The following CCDC6 variants were observed in gnomAD, a reference collection of about 807,000 sequenced individuals.
CCDC6 encodes coiled-coil domain-containing protein 6.
CCDC6 carries 20 observed loss-of-function variants against 56.6 expected under a neutral mutation model. That is an observed-to-expected ratio of 0.35 (90% CI 0.25 to 0.51). The LOEUF (loss-of-function observed/expected upper bound fraction) is 0.51, where lower values mean the gene tolerates loss of function less well. CCDC6 is among the 20% of genes least tolerant of loss of function. The pLI, the probability that CCDC6 is intolerant of heterozygous loss-of-function variation, is 0.95. For synonymous variants in CCDC6, 241 were observed against 234.4 expected, an observed-to-expected ratio of 1.03 and a Z score of -0.26; for missense variants, 367 against 601.1, an observed-to-expected ratio of 0.61 and a Z score of 4.07.
chr10:59,866,625 C>T (rs981006385), intron 1 of CCDC6, among the ~76,000 whole-genome samples: 10 of 152,042 alleles, frequency 6.6e-5, no homozygotes, highest in African/African-American at 1.9e-4. Context: ...GGCCTCACGT[C>T]GTATATAGGG....
rs2070471406 is a variant in CCDC6 at position 59,791,962 on chromosome 10, T to A, written c.*955A>T. Reference sequence around the variant, plus strand: ...ATTATGCCAAGATAATGCGATAATGTCCATTTCAAATAGTATTTTCTAATG... The same window carrying A: ...ATTATGCCAAGATAATGCGATAATGACCATTTCAAATAGTATTTTCTAATG... On this transcript the variant is annotated 3_prime_UTR_variant, in exon 9 of 9. Transcript: ENST00000263102. 1 of 221,406 alleles carries A rather than the reference T, an allele frequency of 4.5e-6. No individual in the cohort carries two copies. Among genetic ancestry groups the A allele is most frequent in the Non-Finnish European group, 9.1e-6 (1 of 110,448 alleles). The allele number at this position is 221,406 out of a possible 1,614,324, so 13.7% of individuals were successfully genotyped here.
At chr10:59,838,883 C>T (rs945344648) in intron 2 of CCDC6, among the ~76,000 whole-genome samples, 29 of 152,174 alleles carry the variant, frequency 1.9e-4, no homozygotes, top group African/African-American at 6.8e-4. Context: ...AAAAGACTTC[C>T]CCAATGCTTT....
At chr10:59,885,552 G>C (rs118190935) in intron 1 of CCDC6, among the ~76,000 whole-genome samples, 4 of 152,230 alleles carry the variant, frequency 2.6e-5, no homozygotes, top group Non-Finnish European at 5.9e-5. Flanking sequence ...TCAGGACTGA[G>C]AGCCCTATCA....
intron 1 of CCDC6, among the ~76,000 whole-genome samples, chr10:59,881,950 G>A (rs1291578693): frequency 1.3e-5 from 2 of 152,026 alleles, no homozygotes; most frequent in Non-Finnish European, 2.9e-5. Flanking sequence ...TCAGATGGTT[G>A]GGCAAAAGGG....
intron 1 of CCDC6, among the ~76,000 whole-genome samples, chr10:59,877,275 C>T (rs2071292380): frequency 6.6e-6 from 1 of 152,116 alleles, no homozygotes; most frequent in Admixed American, 6.5e-5. Flanking sequence ...AATAAAGCAC[C>T]AGAATCACTC....
At position 59,792,678 on chromosome 10, in the gene CCDC6, A is replaced by C; in HGVS notation, c.*239T>G. The C allele has an allele frequency of 1.2e-5, 9 of 738,688 alleles. No individual in the cohort carries two copies. Among genetic ancestry groups the C allele is most frequent in the Non-Finnish European group, 1.7e-5 (7 of 401,568 alleles). 45.8% of individuals were successfully genotyped at this position (738,688 alleles called of 1,614,324 possible). A position where few individuals can be genotyped will look rare whatever the true frequency, so the allele number is the denominator to read the frequency against. On this transcript the variant is annotated 3_prime_UTR_variant, in exon 9 of 9. Coordinates refer to ENST00000263102, the MANE Select transcript of CCDC6 (RefSeq NM_005436.5). ...AAACAGCGAAGGTTCCAGCCAGGGA[A>C]TGGACGTACATGAAGATTCAAGTAA...
Position 59,906,398 on chromosome 10 carries a change from G to C in CCDC6, c.27C>G (p.Asp9Glu). Residue 9 changes from aspartate to glutamate, a missense_variant, in exon 1 of 9, where the codon GAC (aspartate) becomes GAG (glutamate). Coordinates refer to ENST00000263102, the MANE Select transcript of CCDC6 (RefSeq NM_005436.5). The part of the protein sequence containing the change: MADSASES[D>E]TDGAGGNSSS... The stretch of plus-strand genomic sequence containing the variant: ...TGCTGTTGCCCCCCGCCCCGTCCGT[G>C]TCGCTCTCGCTGGCGCTGTCCGCCA... 3 of 1,579,862 alleles carry C rather than the reference G, an allele frequency of 1.9e-6. No homozygotes were observed. The highest frequency in any genetic ancestry group is 2.6e-6 in the Non-Finnish European group (3 of 1,172,238).
chr10:59,798,049 ATTAC>A (rs2070539688), intron 7 of CCDC6, among the ~76,000 whole-genome samples: 2 of 152,206 alleles, frequency 1.3e-5, no homozygotes, highest in African/African-American at 4.8e-5. Flanking sequence ...GGTCTGGGGA[ATTAC>A]TTGTTTTATC....
intron 1 of CCDC6, among the ~76,000 whole-genome samples, chr10:59,885,210 A>C (rs1171813): frequency 0.69 from 104,425 of 152,010 alleles, 36,075 homozygotes; most frequent in East Asian, 0.86. Context: ...TATCTACAAT[A>C]CTTCCATCTT....
At chr10:59,855,008 T>C (rs1242723556) in intron 1 of CCDC6, among the ~76,000 whole-genome samples, 1 of 152,230 alleles carries the variant, frequency 6.6e-6, no homozygotes, top group Non-Finnish European at 1.5e-5. Flanking sequence ...AACACACATT[T>C]AGTATTTTAG....
intron 3 of CCDC6, among the ~76,000 whole-genome samples, chr10:59,816,862 T>A (rs1424398675): frequency 1.3e-5 from 2 of 152,190 alleles, no homozygotes; most frequent in Non-Finnish European, 2.9e-5. Context: ...GAGGGCTTAT[T>A]TGACAAGTGA....
intron 2 of CCDC6, among the ~76,000 whole-genome samples, chr10:59,838,685 A>T (rs897868977): frequency 1.3e-5 from 2 of 152,206 alleles, no homozygotes; most frequent in African/African-American, 4.8e-5. Context: ...AAATCCCATC[A>T]TGCCAACCAA....
chr10:59,797,683 T>TTGTGTGTGTGTGTGTGTG (rs72280811), intron 7 of CCDC6, among the ~76,000 whole-genome samples: 81 of 140,620 alleles, frequency 5.8e-4, no homozygotes, highest in Admixed American at 3.3e-3. Context: ...AGTGAGAGTG[T>TTGTGTGTGTGTGTGTGTG]TGTGTGTGTG....
intron 2 of CCDC6, among the ~76,000 whole-genome samples, chr10:59,842,614 G>A (rs2070949553): frequency 6.6e-6 from 1 of 151,964 alleles, no homozygotes; most frequent in Non-Finnish European, 1.5e-5. Context: ...ATTTTGTGTA[G>A]GATTTTTGCT....
intron 7 of CCDC6, among the ~76,000 whole-genome samples, chr10:59,800,888 G>A (rs373284393): frequency 2.7e-5 from 4 of 149,350 alleles, no homozygotes; most frequent in South Asian, 2.4e-4. Context: ...ATATGGAAAT[G>A]TATTAACAAA....
chr10:59,793,653 G>A (rs928429403), intron 8 of CCDC6, among the ~76,000 whole-genome samples: 3 of 152,056 alleles, frequency 2.0e-5, no homozygotes, highest in Non-Finnish European at 4.4e-5. Context: ...GTGTGGTGCC[G>A]TGTGCCTGTA....
chr10:59,850,074 G>A (rs2071024901), intron 2 of CCDC6, among the ~76,000 whole-genome samples: 1 of 152,114 alleles, frequency 6.6e-6, no homozygotes, highest in Non-Finnish European at 1.5e-5. Context: ...TGTGACACCT[G>A]GTGTCTAAAG....
intron 7 of CCDC6, among the ~76,000 whole-genome samples, chr10:59,799,362 G>T (rs1209339008): frequency 6.7e-6 from 1 of 150,298 alleles, no homozygotes; most frequent in Non-Finnish European, 1.5e-5. Flanking sequence ...GGAGGCGGAG[G>T]TTGCACTGAG....
At chr10:59,838,769 A>G (rs2070908402) in intron 2 of CCDC6, among the ~76,000 whole-genome samples, 1 of 152,122 alleles carries the variant, frequency 6.6e-6, no homozygotes, top group Admixed American at 6.5e-5. Context: ...TCACTCTTAC[A>G]GAAACCATGC....
Sources: gnomAD v4.1 joint callset for allele counts (sites outside exome capture counted in the v4.1 genomes callset) on GRCh38, gnomAD v4.1.1 for gene constraint, MANE v1.5 for transcripts, NCBI Gene and HGNC (gene_info 2026-07-23, HGNC 2026-07-21) for gene names.